The following PKHD1 variants were observed in gnomAD, a reference collection of about 807,000 sequenced individuals.
PKHD1 encodes the protein fibrocystin.
In PKHD1, 291 loss-of-function variants were observed where a neutral mutation model predicts 412.0. The observed-to-expected ratio is 0.71, with a 90% confidence interval of 0.64 to 0.78. The LOEUF is 0.78. PKHD1 is among the 30% of genes least tolerant of loss of function. The probability of loss-of-function intolerance (pLI) is 0.00; values close to 1 mark genes in which losing one functional copy is unlikely to be tolerated. For synonymous variants in PKHD1, 1,777 were observed against 1,821.5 expected, an observed-to-expected ratio of 0.98 and a Z score of 0.62; for missense variants, 4,825 against 4,950.7, an observed-to-expected ratio of 0.97 and a Z score of 0.76.
chr6:52,008,519 C>A (rs186083320), intron 35 of PKHD1, among the ~76,000 whole-genome samples: 4 of 152,098 alleles, frequency 2.6e-5, no homozygotes, highest in African/African-American at 9.6e-5. Flanking sequence ...ATGAGTGAGG[C>A]ATTTAAGCCT....
chr6:52,074,875 C>G (rs1811134444), intron 6 of PKHD1, among the ~76,000 whole-genome samples: 1 of 152,196 alleles, frequency 6.6e-6, no homozygotes, highest in Admixed American at 6.5e-5. Context: ...CCACTCCAAC[C>G]CAGCCCGCCA....
At chr6:51,650,090 C>T (rs1395403775) in intron 61 of PKHD1, among the ~76,000 whole-genome samples, 3 of 152,118 alleles carry the variant, frequency 2.0e-5, no homozygotes, top group African/African-American at 7.2e-5. Flanking sequence ...TGACCAAGAT[C>T]TAGAGTGGTT....
At chr6:51,800,435 C>T (rs1343281369) in intron 52 of PKHD1, among the ~76,000 whole-genome samples, 1 of 152,180 alleles carries the variant, frequency 6.6e-6, no homozygotes. Context: ...CATTAACTAG[C>T]CTCAAGACCA....
intron 56 of PKHD1, 22 bp from the exon 57 acceptor site, chr6:51,753,375 G>C (rs1199772646): frequency 1.3e-6 from 2 of 1,568,656 alleles, no homozygotes; most frequent in Non-Finnish European, 1.8e-6. Flanking sequence ...GGAGTTGTGG[G>C]AAAAAAAAAC....
At chr6:52,011,769 G>C (rs945164207) in intron 34 of PKHD1, among the ~76,000 whole-genome samples, 1 of 152,140 alleles carries the variant, frequency 6.6e-6, no homozygotes, top group Admixed American at 6.5e-5. Context: ...TCTCCACTCT[G>C]TATCTACCTA....
At position 52,053,203 on chromosome 6, in the gene PKHD1, G is replaced by A. The variant is rs1047215529; in HGVS notation, c.2013C>T (p.Phe671=). ...TDLWETCVRC[F]GDLQPPPANS... is the part of the protein sequence containing the mutation. ...TTGCCGGAGGGGGCTGGAGATCCCC[G>A]AAGCAACGCACACAAGTCTCCCAGA... Residue 671 remains phenylalanine (F), a synonymous_variant, in exon 21 of 67, where the codon TTC becomes TTT. Coordinates refer to ENST00000371117, the MANE Select transcript of PKHD1 (RefSeq NM_138694.4). The A allele has an allele frequency of 2.3e-5, 37 of 1,614,050 alleles. No homozygotes were observed. The highest frequency in any genetic ancestry group is 6.7e-5 in the African/African-American group (5 of 74,928).
rs1368071772 is a variant in PKHD1 at position 52,043,606 on chromosome 6, G to C, written c.2821+19C>G. 6.5e-7 allele frequency: 1 copy of C among 1,549,436 alleles called. No homozygotes were observed. Among genetic ancestry groups the C allele is most frequent in the Non-Finnish European group, 8.9e-7 (1 of 1,121,364 alleles). On this transcript the variant is annotated intron_variant, in intron 26 of 66. Transcript: ENST00000371117. ...GTCTCCGGCTTAAGCCCATCTCAGA[G>C]CCAAGTGACAAATCATACCAATGGA...
At chr6:51,720,616 C>A (rs1781790013) in intron 60 of PKHD1, among the ~76,000 whole-genome samples, 1 of 152,148 alleles carries the variant, frequency 6.6e-6, no homozygotes, top group Admixed American at 6.6e-5. Flanking sequence ...TTGTCCCCAC[C>A]ACCACTATTC....
At chr6:51,967,044 G>A (rs746675784) in intron 35 of PKHD1, among the ~76,000 whole-genome samples, 39 of 152,250 alleles carry the variant, frequency 2.6e-4, no homozygotes, top group South Asian at 4.1e-4. Context: ...GGCTGGCCCT[G>A]GAGGAAGGAA....
At chr6:51,982,703 A>G (rs1373616137) in intron 35 of PKHD1, among the ~76,000 whole-genome samples, 1 of 145,350 alleles carries the variant, frequency 6.9e-6, no homozygotes, top group Non-Finnish European at 1.5e-5. Flanking sequence ...GCCTAGGAAA[A>G]CCAGAGACCT....
intron 29 of PKHD1, among the ~76,000 whole-genome samples, chr6:52,029,278 T>C (rs975680825): frequency 1.3e-5 from 2 of 152,154 alleles, no homozygotes; most frequent in Non-Finnish European, 2.9e-5. Flanking sequence ...TGCATTTCAG[T>C]GTCCTTTTAG....
At chr6:51,975,317 T>G (rs111973615) in intron 35 of PKHD1, among the ~76,000 whole-genome samples, 6,884 of 152,158 alleles carry the variant, frequency 0.045, 179 homozygotes, top group Non-Finnish European at 0.072. Context: ...TTAAACTCTT[T>G]TGTGTATCAA....
chr6:52,050,414 C>T, intron 21 of PKHD1, 119 bp from the exon 22 acceptor site: 2 of 981,488 alleles, frequency 2.0e-6, no homozygotes, highest in South Asian at 1.3e-5. Context: ...AGCATAGATT[C>T]CTACTTATCT....
intron 60 of PKHD1, among the ~76,000 whole-genome samples, chr6:51,675,795 T>G (rs1359619321): frequency 6.6e-6 from 1 of 152,198 alleles, no homozygotes. Flanking sequence ...CCAGTGAGTA[T>G]TGGCTTGGCA....
chr6:51,953,470 A>G (rs958080545), intron 36 of PKHD1, among the ~76,000 whole-genome samples: 3 of 152,182 alleles, frequency 2.0e-5, no homozygotes, highest in Middle Eastern at 3.4e-3. Context: ...CATCTCAGGA[A>G]AGTTCTGTGT....
At chr6:51,680,947 T>C (rs561589212) in intron 60 of PKHD1, among the ~76,000 whole-genome samples, 28 of 152,038 alleles carry the variant, frequency 1.8e-4, no homozygotes, top group African/African-American at 6.7e-4. Context: ...ACAGAATAAA[T>C]ATACAGTTAA....
chr6:51,955,339 G>A (rs1175137744), intron 36 of PKHD1, among the ~76,000 whole-genome samples: 3 of 151,990 alleles, frequency 2.0e-5, no homozygotes, highest in Non-Finnish European at 4.4e-5. Context: ...AAAAGAATCT[G>A]CTACTTTTTA....
At chr6:51,888,652 G>C (rs1033444371) in intron 43 of PKHD1, among the ~76,000 whole-genome samples, 2 of 151,692 alleles carry the variant, frequency 1.3e-5, no homozygotes, top group African/African-American at 2.4e-5. Flanking sequence ...CACCCTTCCT[G>C]GTTCACTCAT....
chr6:51,935,835 C>T (rs1050972381), intron 36 of PKHD1, among the ~76,000 whole-genome samples: 8 of 152,128 alleles, frequency 5.3e-5, no homozygotes, highest in Non-Finnish European at 7.4e-5. Flanking sequence ...TCAAAAATAT[C>T]GGAAATATCT....
Sources: allele counts gnomAD v4.1 joint callset (sites outside exome capture counted in the v4.1 genomes callset), GRCh38; gene constraint gnomAD v4.1.1; transcripts MANE v1.5; gene names NCBI Gene and HGNC (gene_info 2026-07-23, HGNC 2026-07-21).